Variants in MME observed in about 807,000 individuals in gnomAD.
MME encodes the protein membrane metalloendopeptidase.
In MME, 98 loss-of-function variants were observed where a neutral mutation model predicts 113.2. The ratio of observed to expected loss-of-function variants is 0.87; its 90% CI spans 0.74 to 1.02. The LOEUF (loss-of-function observed/expected upper bound fraction) is 1.02, where lower values mean the gene tolerates loss of function less well. Among genes scored for constraint, MME ranks in the 50% least tolerant of loss-of-function variants. The pLI, the probability that MME is intolerant of heterozygous loss-of-function variation, is 0.00. For missense variants in MME, 836 were observed against 896.0 expected, an observed-to-expected ratio of 0.93 and a Z score of 0.86; for synonymous variants, 292 against 300.6, an observed-to-expected ratio of 0.97 and a Z score of 0.30.
chr3:155,079,624 A>AGGGGGGGGGGGGGGGG (rs1559902583), upstream of MME: 1 of 1,908 alleles, frequency 5.2e-4, no homozygotes. Context: ...GAGGCGGGGT[A>AGGGGGGGGGGGGGGGG]GGGGGTGGGG....
At chr3:155,032,752 A>G (rs1713011627) in intron 1 of MME, among the ~76,000 whole-genome samples, 2 of 152,316 alleles carry the variant, frequency 1.3e-5, no homozygotes, top group South Asian at 4.1e-4. Context: ...AAGGGTCAGA[A>G]TCTAGTTTAA....
intron 16 of MME, among the ~76,000 whole-genome samples, chr3:155,156,961 C>T (rs1355318447): frequency 6.6e-6 from 1 of 152,016 alleles, no homozygotes. Context: ...AGTCTGTTGT[C>T]TTCTGCTTTT....
chr3:155,142,472 G>A, intron 12 of MME, 142 bp downstream of exon 12: 5 of 674,192 alleles, frequency 7.4e-6, no homozygotes, highest in Non-Finnish European at 1.3e-5. Flanking sequence ...CACATATTTA[G>A]GACATGTTGC....
intron 3 of MME, among the ~76,000 whole-genome samples, chr3:155,091,745 C>T (rs753552069): frequency 2.6e-5 from 4 of 152,060 alleles, no homozygotes; most frequent in South Asian, 2.1e-4. Context: ...TTGAAAAATA[C>T]GCAATTTAAA....
intron 3 of MME, 35 bp downstream of exon 3, chr3:155,085,129 A>T: frequency 1.5e-6 from 2 of 1,341,436 alleles, no homozygotes; most frequent in Non-Finnish European, 2.1e-6. Context: ...TAGTTATACA[A>T]CTGATGTATA....
chr3:155,139,436 T>C (rs1489143346), intron 9 of MME, among the ~76,000 whole-genome samples: 10 of 152,200 alleles, frequency 6.6e-5, no homozygotes, highest in Admixed American at 6.5e-4. Flanking sequence ...AGTAAATGAA[T>C]AGGTAAGTGA....
At chr3:155,125,880 C>T (rs1719611610) in intron 8 of MME, among the ~76,000 whole-genome samples, 1 of 152,122 alleles carries the variant, frequency 6.6e-6, no homozygotes, top group South Asian at 2.1e-4. Flanking sequence ...TATTTTGTAG[C>T]TCAAAAGTAA....
intron 22 of MME, among the ~76,000 whole-genome samples, chr3:155,175,365 T>C (rs1360977675): frequency 4.6e-5 from 7 of 151,970 alleles, no homozygotes; most frequent in Non-Finnish European, 8.8e-5. Context: ...TCAGAAAACA[T>C]TTTGTTAAAT....
chr3:155,138,221 A>G lies in MME; in HGVS notation c.840A>G (p.Glu280=), dbSNP rs375749664. ...AAATGAATAAAGTTATGGAATTGGA[A>G]AAAGAAATTGCCAATGTAAAACACA... The part of the protein sequence containing the change: ...ALEMNKVMEL[E]KEIANATAKP... Residue 280 remains glutamate, a synonymous_variant, in exon 9 of 23, where the codon GAA becomes GAG. Coordinates refer to ENST00000360490, the MANE Select transcript of MME (RefSeq NM_007289.4). 2 of 1,613,544 alleles carry G rather than the reference A, an allele frequency of 1.2e-6. No homozygotes were observed. Among genetic ancestry groups the G allele is most frequent in the African/African-American group, 2.7e-5 (2 of 74,882 alleles).
intron 17 of MME, among the ~76,000 whole-genome samples, chr3:155,164,447 T>G (rs1300117006): frequency 2.0e-5 from 3 of 152,236 alleles, no homozygotes; most frequent in Admixed American, 2.0e-4. Context: ...ATAAGGCTAG[T>G]GGGGAAAATC....
chr3:155,072,890 T>C (rs533790256), intron 1 of MME, among the ~76,000 whole-genome samples: 47 of 152,350 alleles, frequency 3.1e-4, no homozygotes, highest in African/African-American at 9.1e-4. Context: ...TTAAAAACTA[T>C]GTTGGCCTCT....
intron 14 of MME, among the ~76,000 whole-genome samples, chr3:155,146,288 G>A (rs1721499625): frequency 6.6e-6 from 1 of 152,164 alleles, no homozygotes; most frequent in Non-Finnish European, 1.5e-5. Context: ...CACTTTGGGA[G>A]GCCGAGGCAG....
chr3:155,137,307 C>A (rs1720707770), intron 8 of MME, among the ~76,000 whole-genome samples: 1 of 152,136 alleles, frequency 6.6e-6, no homozygotes, highest in African/African-American at 2.4e-5. Flanking sequence ...AACTGCTTGA[C>A]TCAAGGAGAC....
At position 155,154,261 on chromosome 3, in the gene MME, C is replaced by T. The variant is rs774965768; in HGVS notation, c.1601+5608C>T. On this transcript the variant is annotated intron_variant, in intron 16 of 22. Transcript: ENST00000360490. The stretch of plus-strand genomic sequence containing the variant: ...TAAGTGGAACCCCTAAAGCTGGCAG[C>T]TCAACATCTGTGACTCCGTGGTGCA... Among the ~76,000 whole-genome samples the T allele has an allele frequency of 7.2e-5, 11 of 152,200 alleles. No individual in the cohort carries two copies. The South Asian group carries it at 1.0e-3, about 14-fold the overall frequency.
rs753779703 is a variant in MME at position 155,142,077 on chromosome 3, T to A, written c.1044T>A (p.Ala348=). The change falls in exon 11 of 23, where the codon GCT becomes GCA. Residue 348 remains alanine (A), a synonymous_variant. Coordinates refer to ENST00000360490, the MANE Select transcript of MME (RefSeq NM_007289.4). ...ATGAGGAAGATGTGGTTGTTTATGC[T>A]CCAGAATATTTAACCAAACTTAAGC... The part of the protein sequence containing the change: ...ITNEEDVVVY[A]PEYLTKLKPI... The A allele has an allele frequency of 6.2e-7, 1 of 1,613,830 alleles. No homozygotes were observed. The highest frequency in any genetic ancestry group is 8.5e-7 in the Non-Finnish European group (1 of 1,179,802).
chr3:155,037,663 A>T (rs1189779900), intron 1 of MME, among the ~76,000 whole-genome samples: 2 of 152,196 alleles, frequency 1.3e-5, no homozygotes, highest in African/African-American at 4.8e-5. Context: ...GTGAAGGAAG[A>T]CAACCGTGAG....
chr3:155,077,216 T>G (rs1039890662), upstream of MME, among the ~76,000 whole-genome samples: 28 of 152,316 alleles, frequency 1.8e-4, no homozygotes, highest in African/African-American at 6.7e-4. Context: ...CATATAAAAA[T>G]GCACTATAGC....
intron 17 of MME, among the ~76,000 whole-genome samples, chr3:155,163,637 C>A (rs2108356902): frequency 6.6e-6 from 1 of 152,196 alleles, no homozygotes; most frequent in Middle Eastern, 3.4e-3. Context: ...AGTGTATTCT[C>A]CTTTTTCATT....
chr3:155,145,802 T>C (rs926342888), intron 14 of MME, among the ~76,000 whole-genome samples: 10 of 152,186 alleles, frequency 6.6e-5, no homozygotes, highest in African/African-American at 2.4e-4. Context: ...TTTGTATCCT[T>C]TAGAACACTC....
Sources: allele counts gnomAD v4.1 joint callset (sites outside exome capture counted in the v4.1 genomes callset), GRCh38; gene constraint gnomAD v4.1.1; transcripts MANE v1.5; gene names NCBI Gene and HGNC (gene_info 2026-07-23, HGNC 2026-07-21).